The following ST3GAL4 variants were observed in gnomAD, a reference collection of about 807,000 sequenced individuals.
ST3GAL4 encodes ST3 beta-galactoside alpha-2,3-sialyltransferase 4, also known as CMP-N-acetylneuraminate-beta-galactosamide-alpha-2,3-sialyltransferase 4.
In ST3GAL4, 24 loss-of-function variants were observed where a neutral mutation model predicts 42.6. That is an observed-to-expected ratio of 0.56 (90% CI 0.41 to 0.79). The LOEUF is 0.79. Among genes scored for constraint, ST3GAL4 ranks in the 30% least tolerant of loss-of-function variants. ST3GAL4 has a pLI of 0.00. For missense variants in ST3GAL4, 311 were observed against 430.8 expected, an observed-to-expected ratio of 0.72 and a Z score of 2.46; for synonymous variants, 135 against 163.2, an observed-to-expected ratio of 0.83 and a Z score of 1.32.
intron 1 of ST3GAL4, chr11:126,403,159 A>G: frequency 6.3e-6 from 1 of 157,850 alleles, no homozygotes; most frequent in Non-Finnish European, 1.4e-5. Flanking sequence ...CCACAAGGGG[A>G]GGGCGTGGCT....
chr11:126,356,200 C>T (rs1001732711), intron 1 of ST3GAL4: 1 of 152,360 alleles, frequency 6.6e-6, no homozygotes, highest in African/African-American at 2.4e-5. Context: ...CACAACTACC[C>T]CGGTCAGGTC....
chr11:126,366,187 G>C lies in ST3GAL4; in HGVS notation c.-61+10345G>C, dbSNP rs887790241. Among the ~76,000 whole-genome samples the C allele has an allele frequency of 2.0e-5, 3 of 152,222 alleles. No homozygotes were observed. The highest frequency in any genetic ancestry group is 6.5e-5 in the Admixed American group (1 of 15,282). ...GCAAGCTGACAAACAAAGTCTATAC[G>C]AGCCAGAGCTGGGGTGGGAGGAACC... On this transcript the variant is annotated intron_variant, in intron 1 of 10. Transcript: ENST00000444328. The surrounding 1 kb of genome is among the most constrained non-coding windows in gnomAD (Gnocchi z 4.2).
At position 126,363,303 on chromosome 11, in the gene ST3GAL4, T is replaced by A. The variant is rs146074343; in HGVS notation, c.-61+7461T>A. On this transcript the variant is annotated intron_variant, in intron 1 of 10. Coordinates refer to ENST00000444328, the MANE Select transcript of ST3GAL4 (RefSeq NM_001254757.2). The surrounding 1 kb of genome is among the most constrained non-coding windows in gnomAD (Gnocchi z 4.6). ...ACCATCTTCAGTGATCCCTCCTCCT[T>A]CCTTTCTGCCTCCTCTGCATTCTCT... 6.6e-6 allele frequency among the ~76,000 whole-genome samples: 1 copy of A among 152,292 alleles called. No individual in the cohort carries two copies. The highest frequency in any genetic ancestry group is 2.4e-5 in the African/African-American group (1 of 41,566).
rs911356188 is a variant in ST3GAL4, at chr11:126,379,942, AGTT to A, written c.-61+24104_-61+24106del. Among the ~76,000 whole-genome samples, 1 of 152,104 alleles carries A rather than the reference AGTT, an allele frequency of 6.6e-6. No individual in the cohort carries two copies. Among genetic ancestry groups the A allele is most frequent in the Admixed American group, 6.6e-5 (1 of 15,252 alleles). ...GTGTCTTTCAATGGGGCTCAAGGGC[AGTT>A]GTTCTCTGCTGTCTTTTACAAAAGA... On this transcript the variant is annotated intron_variant, in intron 1 of 10. Transcript: ENST00000444328. This position sits in a 1 kb window ranked among gnomAD's most constrained non-coding sequence, Gnocchi z 4.2.
Position 126,407,608 on chromosome 11 carries a change from C to T in ST3GAL4, c.315C>T (p.Ser105=), listed in dbSNP as rs2135547972. Residue 105 remains serine (S), a synonymous_variant, in exon 6 of 11, where the codon AGC becomes AGT. Transcript: ENST00000444328. ...DLLLRVLAIT[S]SSIPKNIQSL... is the part of the protein sequence containing the mutation. ...TCCTCCGGGTGCTAGCCATCACCAG[C>T]TCCTCCATCCCCAAGAACATCCAGA... The T allele has an allele frequency of 6.2e-7, 1 of 1,614,172 alleles. No individual in the cohort carries two copies. Among genetic ancestry groups the T allele is most frequent in the Non-Finnish European group, 8.5e-7 (1 of 1,180,028 alleles).
Position 126,413,494 on chromosome 11 carries a change from CT to C in ST3GAL4, c.772-10del. The C allele has an allele frequency of 1.2e-6, 2 of 1,613,704 alleles. No homozygotes were observed. The highest frequency in any genetic ancestry group is 1.7e-6 in the Non-Finnish European group (2 of 1,179,926). The stretch of plus-strand genomic sequence containing the variant: ...GGCTCCCACTAACACCCTCCTGCCC[CT>C]GTTCCTCAGAAGCCCACCACGGGCC... On this transcript the variant is annotated splice_polypyrimidine_tract_variant and intron_variant, in intron 9 of 10. Transcript: ENST00000444328.
In ST3GAL4 at chr11:126,391,947, G is replaced by A. The variant is rs1164687013; in HGVS notation, c.-60-14149G>A. ...TGTGATAACTTGGTCGTGTGTGTGTGTGTGTGTGTGTGTGTGTGTGTGTGT... is the reference window on the plus strand; with the variant it reads ...TGTGATAACTTGGTCGTGTGTGTGTATGTGTGTGTGTGTGTGTGTGTGTGT... On this transcript the variant is annotated intron_variant, in intron 1 of 10. Coordinates refer to ENST00000444328, the MANE Select transcript of ST3GAL4 (RefSeq NM_001254757.2). The surrounding 1 kb of genome is among the most constrained non-coding windows in gnomAD (Gnocchi z 5.5). 7.4e-6 allele frequency among the ~76,000 whole-genome samples: 1 copy of A among 134,624 alleles called. No individual in the cohort carries two copies. Among genetic ancestry groups the A allele is most frequent in the East Asian group, 1.9e-4 (1 of 5,162 alleles). The allele number at this position is 134,624 out of a possible 152,430, so 88.3% of individuals were successfully genotyped here.
rs577570983 is a variant in ST3GAL4 at position 126,409,899 on chromosome 11, T to TA, written c.771+489dup. ...AGGGAGTCAATGTAGTTTTGCAAGTTATGGGTTTTTGTTTTGTTTTAAAGA... is the reference window on the plus strand; with the variant it reads ...AGGGAGTCAATGTAGTTTTGCAAGTTAATGGGTTTTTGTTTTGTTTTAAAGA... On this transcript the variant is annotated intron_variant, in intron 9 of 10. Coordinates refer to ENST00000444328, the MANE Select transcript of ST3GAL4 (RefSeq NM_001254757.2). The surrounding 1 kb of genome is among the most constrained non-coding windows in gnomAD (Gnocchi z 4.9). Among the ~76,000 whole-genome samples, 6 of 152,220 alleles carry TA rather than the reference T, an allele frequency of 3.9e-5. No homozygotes were observed. The South Asian group carries it at 1.0e-3, about 26-fold the overall frequency.
Position 126,393,950 on chromosome 11 carries a change from G to A in ST3GAL4, c.-60-12146G>A, listed in dbSNP as rs1390276722. Among the ~76,000 whole-genome samples, 1 of 152,204 alleles carries A rather than the reference G, an allele frequency of 6.6e-6. No homozygotes were observed. Among genetic ancestry groups the A allele is most frequent in the Non-Finnish European group, 1.5e-5 (1 of 68,036 alleles). ...GGTGATATTTTATTCTTTTTTTGGG[G>A]TACTAAATCTTTGAAATCCGGTGTG... On this transcript the variant is annotated intron_variant, in intron 1 of 10. Transcript: ENST00000444328. The surrounding 1 kb of genome is among the most constrained non-coding windows in gnomAD (Gnocchi z 5.9).
intron 1 of ST3GAL4, among the ~76,000 whole-genome samples, chr11:126,387,799 C>A (rs1406480080): frequency 1.3e-5 from 2 of 152,220 alleles, no homozygotes; most frequent in African/African-American, 4.8e-5. Flanking sequence ...GTTTTGCATC[C>A]TTCTGAGTAA....
At chr11:126,401,028 G>A (rs561429881) in intron 1 of ST3GAL4, among the ~76,000 whole-genome samples, 40 of 152,200 alleles carry the variant, frequency 2.6e-4, no homozygotes, top group South Asian at 2.5e-3. Flanking sequence ...TGATAATATG[G>A]GGGTTGGGAG....
chr11:126,388,270 C>T (rs1235121236), intron 1 of ST3GAL4, among the ~76,000 whole-genome samples: 1 of 152,214 alleles, frequency 6.6e-6, no homozygotes, highest in Non-Finnish European at 1.5e-5. Flanking sequence ...TTCTTATTTG[C>T]CATTCATTTC....
intron 1 of ST3GAL4, chr11:126,405,725 A>G (rs1015918295): frequency 1.5e-4 from 38 of 255,696 alleles, no homozygotes; most frequent in African/African-American, 8.1e-4. Flanking sequence ...TTTTGTCTCA[A>G]CAGTGGGCGG....
At chr11:126,367,045 G>A (rs1469464515) in intron 1 of ST3GAL4, among the ~76,000 whole-genome samples, 2 of 152,062 alleles carry the variant, frequency 1.3e-5, no homozygotes, top group Non-Finnish European at 2.9e-5. Flanking sequence ...AGGTGTGGGG[G>A]GCCTGCCTGT....
rs1215963710 is a variant in ST3GAL4 at position 126,379,877 on chromosome 11, A to G, written c.-61+24035A>G. 6.6e-6 allele frequency among the ~76,000 whole-genome samples: 1 copy of G among 152,216 alleles called. No individual in the cohort carries two copies. The highest frequency in any genetic ancestry group is 1.5e-5 in the Non-Finnish European group (1 of 68,042). On this transcript the variant is annotated intron_variant, in intron 1 of 10. Transcript: ENST00000444328. This position sits in a 1 kb window ranked among gnomAD's most constrained non-coding sequence, Gnocchi z 4.2. ...CATGTACCCAAGGTTCAAGATCCTG[A>G]CATTTTGCTACGGTGAGAATAGTAA...
chr11:126,402,451 G>GAA (rs575036017), intron 1 of ST3GAL4, among the ~76,000 whole-genome samples: 4,145 of 100,884 alleles, frequency 0.041, 200 homozygotes, highest in African/African-American at 0.12. Context: ...AAGACTGTCT[G>GAA]AAAAAAAAAA....
chr11:126,367,314 G>A (rs1591420982), intron 1 of ST3GAL4, among the ~76,000 whole-genome samples: 5 of 152,316 alleles, frequency 3.3e-5, no homozygotes, highest in Middle Eastern at 6.8e-3. Flanking sequence ...GTGAATCTGA[G>A]TCGAGGGCAG....
chr11:126,406,091 C>T lies in ST3GAL4; in HGVS notation c.-60-5C>T. On this transcript the variant is annotated splice_polypyrimidine_tract_variant and splice_region_variant and intron_variant, in intron 1 of 10. Coordinates refer to ENST00000444328, the MANE Select transcript of ST3GAL4 (RefSeq NM_001254757.2). This position sits in a 1 kb window ranked among gnomAD's most constrained non-coding sequence, Gnocchi z 5.4. ...GACCGGACACCTGTGGCTCTTATTT[C>T]CTAGGTGGCCCGAGGCAGCCGGGAT... 6.4e-7 allele frequency: 1 copy of T among 1,551,614 alleles called. No homozygotes were observed. Among genetic ancestry groups the T allele is most frequent in the Non-Finnish European group, 8.7e-7 (1 of 1,146,992 alleles).
At chr11:126,413,449 G>A in intron 9 of ST3GAL4, 56 bp from the exon 10 acceptor site, 3 of 1,600,160 alleles carry the variant, frequency 1.9e-6, no homozygotes, top group South Asian at 1.1e-5. Flanking sequence ...CGCTGGCAGA[G>A]ATGATGGTGG....
Sources: allele counts gnomAD v4.1 joint callset (sites outside exome capture counted in the v4.1 genomes callset), GRCh38; gene constraint gnomAD v4.1.1; non-coding constraint Gnocchi (gnomAD v3.1); transcripts MANE v1.5; gene names NCBI Gene and HGNC (gene_info 2026-07-23, HGNC 2026-07-21).